RTTN: variants seen among roughly 807,000 people sequenced by gnomAD.
RTTN encodes the protein rotatin.
A neutral mutation model predicts 269.2 loss-of-function variants in RTTN; 182 were observed. The observed-to-expected ratio is 0.68, with a 90% CI of 0.60 to 0.76. RTTN has a LOEUF of 0.76. Among genes scored for constraint, RTTN ranks in the 30% least tolerant of loss-of-function variants. The pLI is 0.00. For missense variants in RTTN, 2,545 were observed against 2,608.6 expected (o/e 0.98, Z 0.53); for synonymous variants, 1,006 against 963.5 (o/e 1.04, Z -0.82).
intron 14 of RTTN, among the ~76,000 whole-genome samples, chr18:70,153,236 C>CTATA (rs61001454): frequency 4.8e-4 from 72 of 150,534 alleles, no homozygotes; most frequent in African/African-American, 1.5e-3. Context: ...GTGTTGTAAA[C>CTATA]TATATATATA....
chr18:70,083,255 T>G (rs928841121), intron 32 of RTTN, among the ~76,000 whole-genome samples: 6 of 152,150 alleles, frequency 3.9e-5, no homozygotes, highest in African/African-American at 1.4e-4. Flanking sequence ...TGCTTCTGCA[T>G]CCACAGAAAA....
rs1470723805 is a variant in RTTN at position 70,139,047 on chromosome 18, C to T, written c.2788+552G>A. On this transcript the variant is annotated intron_variant, in intron 21 of 48. Coordinates refer to ENST00000640769, the MANE Select transcript of RTTN (RefSeq NM_173630.4). ...ACAGGAAGGACAAAACTACATGAAA[C>T]GTGTTCATCTAACACCTTACTAAAT... 2.7e-5 allele frequency: 4 copies of T among 148,046 alleles called. No homozygotes were observed. In the South Asian group the frequency reaches 8.6e-4, roughly 32 times the overall value. The allele number at this position is 148,046 out of a possible 1,614,324, so 9.2% of individuals were successfully genotyped here. A position where few individuals can be genotyped will look rare whatever the true frequency, so the allele number is the denominator to read the frequency against.
chr18:70,100,715 G>A (rs2059137019), intron 28 of RTTN, among the ~76,000 whole-genome samples: 1 of 152,174 alleles, frequency 6.6e-6, no homozygotes, highest in South Asian at 2.1e-4. Flanking sequence ...CTGTGGGTCT[G>A]TCATAAATAG....
chr18:70,034,408 CAAAT>C (rs1342733686), intron 40 of RTTN, among the ~76,000 whole-genome samples: 3 of 152,152 alleles, frequency 2.0e-5, no homozygotes, highest in Non-Finnish European at 2.9e-5. Context: ...TACGTGCAAA[CAAAT>C]AAACATGATT....
At chr18:70,160,728 G>A (rs2060805745) in intron 14 of RTTN, among the ~76,000 whole-genome samples, 3 of 150,674 alleles carry the variant, frequency 2.0e-5, no homozygotes. Flanking sequence ...AATGACTTCG[G>A]TGAAGTTCCA....
chr18:70,194,843 A>C (rs1214103079), intron 7 of RTTN: 1 of 152,224 alleles, frequency 6.6e-6, no homozygotes, highest in Non-Finnish European at 1.5e-5. Flanking sequence ...TGTTTCAGAT[A>C]ATGAAGAGGT....
At chr18:70,064,651 A>C (rs1035112933) in intron 35 of RTTN, among the ~76,000 whole-genome samples, 1 of 152,188 alleles carries the variant, frequency 6.6e-6, no homozygotes, top group East Asian at 1.9e-4. Context: ...AAAGAAGGAA[A>C]GTAGATTAGT....
chr18:70,053,609 T>G (rs2144831287), intron 38 of RTTN: 1 of 152,378 alleles, frequency 6.6e-6, no homozygotes, highest in Middle Eastern at 3.4e-3. Context: ...TGTTTTCATT[T>G]TCAAAACAAT....
chr18:70,069,821 T>C (rs2058247751), intron 34 of RTTN, among the ~76,000 whole-genome samples: 1 of 152,042 alleles, frequency 6.6e-6, no homozygotes, highest in Admixed American at 6.6e-5. Context: ...GATTGTAGTG[T>C]GAAAAAAATA....
At chr18:70,199,612 C>T (rs374448933) in intron 4 of RTTN, 108 bp from the exon 5 acceptor site, 1 of 710,022 alleles carries the variant, frequency 1.4e-6, no homozygotes, top group South Asian at 1.7e-5. Flanking sequence ...ATAAAGGCTG[C>T]ATCTTACAGT....
intron 32 of RTTN, among the ~76,000 whole-genome samples, chr18:70,082,064 G>T (rs205548): frequency 0.9 from 137,593 of 152,112 alleles, 62,986 homozygotes; most frequent in East Asian, 1. Flanking sequence ...ATAAATCTAA[G>T]TTTTTTCAAA....
intron 44 of RTTN, among the ~76,000 whole-genome samples, chr18:70,023,841 G>T (rs904408269): frequency 1.3e-5 from 2 of 152,116 alleles, no homozygotes; most frequent in South Asian, 4.1e-4. Context: ...GGAGTATAGT[G>T]GCGTGATCTC....
chr18:70,085,625 T>C (rs1427980164), intron 32 of RTTN, among the ~76,000 whole-genome samples: 3 of 152,206 alleles, frequency 2.0e-5, no homozygotes, highest in Non-Finnish European at 2.9e-5. Flanking sequence ...GCACATCTTA[T>C]ATCCCCAATA....
In RTTN at chr18:70,196,559, C is replaced by T. The variant is rs764935654; in HGVS notation, c.783G>A (p.Met261Ile). ...GAAAGTTAAGTCTGTTTCTTAAATA[C>T]ATGCACAGCTGCTGCAGGCAGGACA... Reference protein sequence around the residue: ...QSVSCLQQLCMYLRNRLNFHR... With the variant: ...QSVSCLQQLCIYLRNRLNFHR... The change falls in exon 7 of 49, where the codon ATG (methionine) becomes ATA (isoleucine). Residue 261 changes from methionine (M) to isoleucine (I), a missense_variant. Met to Ile is a conservative substitution (Grantham distance 10). Transcript: ENST00000640769. 2.5e-6 allele frequency: 4 copies of T among 1,613,634 alleles called. No individual in the cohort carries two copies. In the Admixed American group the frequency reaches 5.0e-5, roughly 20 times the overall value.
intron 14 of RTTN, among the ~76,000 whole-genome samples, chr18:70,151,790 T>C (rs2060545185): frequency 6.6e-6 from 1 of 152,190 alleles, no homozygotes; most frequent in African/African-American, 2.4e-5. Flanking sequence ...TCCAGCACCT[T>C]TATTTTTCTT....
intron 11 of RTTN, among the ~76,000 whole-genome samples, chr18:70,169,976 G>A (rs1453608624): frequency 2.6e-5 from 4 of 152,052 alleles, no homozygotes; most frequent in Admixed American, 1.3e-4. Flanking sequence ...GCTAAACAAC[G>A]ATACCTTTAA....
At chr18:70,025,432 T>C (rs763090229) in intron 43 of RTTN, among the ~76,000 whole-genome samples, 15 of 152,232 alleles carry the variant, frequency 9.9e-5, no homozygotes, top group Admixed American at 3.3e-4. Flanking sequence ...TATAGCTGTT[T>C]AAGTGCAGCA....
chr18:70,154,276 C>T (rs1168268994), intron 14 of RTTN, among the ~76,000 whole-genome samples: 1 of 151,474 alleles, frequency 6.6e-6, no homozygotes, highest in African/African-American at 2.4e-5. Flanking sequence ...TTTTAGAACT[C>T]CTCTAAAAAA....
intron 40 of RTTN, among the ~76,000 whole-genome samples, chr18:70,043,158 A>C (rs1821579): frequency 4.6e-5 from 7 of 152,128 alleles, no homozygotes; most frequent in Admixed American, 3.9e-4. Context: ...AGTTCTGACA[A>C]TTCTGAACAC....
Sources: gnomAD v4.1 joint callset for allele counts (sites outside exome capture counted in the v4.1 genomes callset) on GRCh38, gnomAD v4.1.1 for gene constraint, MANE v1.5 for transcripts, NCBI Gene and HGNC (gene_info 2026-07-23, HGNC 2026-07-21) for gene names.